Variants in TMEM38B observed in about 807,000 individuals in gnomAD.
TMEM38B encodes transmembrane protein 38B, also known as trimeric intracellular cation channel type B.
A neutral mutation model predicts 28.7 loss-of-function variants in TMEM38B; 24 were observed. The observed-to-expected ratio is 0.84, with a 90% CI of 0.61 to 1.18. The LOEUF (loss-of-function observed/expected upper bound fraction) is 1.18, where lower values mean the gene tolerates loss of function less well. TMEM38B is among the 50% of genes most tolerant of loss of function. The pLI is 0.00. For synonymous variants in TMEM38B, 131 were observed against 127.7 expected, an observed-to-expected ratio of 1.03 and a Z score of -0.17; for missense variants, 380 against 350.9, an observed-to-expected ratio of 1.08 and a Z score of -0.66.
At chr9:105,760,118 C>A in intron 5 of TMEM38B, 1 of 882,798 alleles carries the variant, frequency 1.1e-6, no homozygotes, top group Non-Finnish European at 1.9e-6. Flanking sequence ...GCCATCGATG[C>A]GCTACAATTG....
chr9:105,733,882 C>G (rs72658705), intron 4 of TMEM38B, among the ~76,000 whole-genome samples: 1,652 of 151,968 alleles, frequency 0.011, 29 homozygotes, highest in African/African-American at 0.034. Context: ...AAGCATTTGT[C>G]AATTTCGTTT....
chr9:105,735,951 C>T (rs1056361442), intron 4 of TMEM38B, among the ~76,000 whole-genome samples: 4 of 152,180 alleles, frequency 2.6e-5, no homozygotes, highest in Non-Finnish European at 4.4e-5. Context: ...ACTGTAATCT[C>T]GAACTCTTGG....
intron 4 of TMEM38B, among the ~76,000 whole-genome samples, chr9:105,731,612 C>T (rs1227873144): frequency 6.6e-6 from 1 of 152,100 alleles, no homozygotes; most frequent in Non-Finnish European, 1.5e-5. Context: ...TAGCTTCATC[C>T]ATGGCCCTAC....
intron 4 of TMEM38B, among the ~76,000 whole-genome samples, chr9:105,744,009 G>A (rs1588445116): frequency 6.6e-6 from 1 of 152,048 alleles, no homozygotes; most frequent in East Asian, 1.9e-4. Flanking sequence ...GTGAAGAAAG[G>A]TATTTAACTT....
chr9:105,769,358 C>T (rs1382053644), intron 5 of TMEM38B, among the ~76,000 whole-genome samples: 4 of 152,184 alleles, frequency 2.6e-5, no homozygotes, highest in African/African-American at 9.6e-5. Flanking sequence ...CTCTGTCACT[C>T]AGGCTGGAGT....
chr9:105,772,126 C>A (rs1481682337), intron 5 of TMEM38B, among the ~76,000 whole-genome samples: 1 of 152,152 alleles, frequency 6.6e-6, no homozygotes, highest in Non-Finnish European at 1.5e-5. Context: ...CCTTGAATTC[C>A]AACTTATCTT....
At chr9:105,712,973 C>T (rs576483842) in intron 2 of TMEM38B, among the ~76,000 whole-genome samples, 26 of 152,360 alleles carry the variant, frequency 1.7e-4, no homozygotes, top group African/African-American at 5.8e-4. Context: ...CCAGCCCAGG[C>T]CCAGTGAGGA....
chr9:105,753,436 A>G (rs1023725822), intron 5 of TMEM38B, among the ~76,000 whole-genome samples: 1 of 152,184 alleles, frequency 6.6e-6, no homozygotes, highest in African/African-American at 2.4e-5. Context: ...GTCACCATCA[A>G]AGGGAAACCC....
intron 5 of TMEM38B, chr9:105,759,676 A>G (rs942692431): frequency 6.2e-7 from 1 of 1,600,312 alleles, no homozygotes; most frequent in Non-Finnish European, 8.5e-7. Flanking sequence ...ACAAAATACT[A>G]AACTGTTTTT....
At chr9:105,759,356 TC>T (rs367557150) in intron 5 of TMEM38B, 12 of 1,245,528 alleles carry the variant, frequency 9.6e-6, no homozygotes, top group African/African-American at 7.5e-5. Flanking sequence ...AGTGCCTTCT[TC>T]TCAGTCTGCT....
intron 4 of TMEM38B, among the ~76,000 whole-genome samples, chr9:105,747,260 T>TC (rs1837442798): frequency 6.6e-6 from 1 of 152,242 alleles, no homozygotes; most frequent in African/African-American, 2.4e-5. Flanking sequence ...CAGAGCCTGT[T>TC]ATTGGTCTAT....
Position 105,774,393 on chromosome 9 carries a change from TAAC to T in TMEM38B, c.*316_*318del, listed in dbSNP as rs1588487363. On this transcript the variant is annotated 3_prime_UTR_variant, in exon 6 of 6. Coordinates refer to ENST00000374692, the MANE Select transcript of TMEM38B (RefSeq NM_018112.3). ...AAAAAGCAGATCTGTCATTGCAAAG[TAAC>T]AAAAATTTTAAGCTTTTAAAAATGT... is the stretch of plus-strand genomic sequence containing the variant. The T allele has an allele frequency of 5.6e-6, 1 of 177,128 alleles. No homozygotes were observed. Among genetic ancestry groups the T allele is most frequent in the East Asian group, 1.4e-4 (1 of 7,048 alleles). The allele number at this position is 177,128 out of a possible 1,614,324, so 11.0% of individuals were successfully genotyped here.
chr9:105,698,668 A>G (rs1835363957), intron 1 of TMEM38B, among the ~76,000 whole-genome samples: 2 of 152,146 alleles, frequency 1.3e-5, no homozygotes, highest in African/African-American at 4.8e-5. Context: ...TGTTTATAAT[A>G]GAAATGAGCC....
chr9:105,735,062 T>C (rs1476020126), intron 4 of TMEM38B, among the ~76,000 whole-genome samples: 1 of 152,130 alleles, frequency 6.6e-6, no homozygotes, highest in African/African-American at 2.4e-5. Flanking sequence ...TTTGCATATT[T>C]ACTGTATTTT....
intron 2 of TMEM38B, chr9:105,710,573 T>C (rs1289538925): frequency 4.4e-6 from 4 of 904,336 alleles, no homozygotes; most frequent in Non-Finnish European, 7.4e-6. Flanking sequence ...GTCCAAATTA[T>C]ATAAAGTGTC....
chr9:105,768,944 T>G (rs1826459468), intron 5 of TMEM38B, among the ~76,000 whole-genome samples: 1 of 152,216 alleles, frequency 6.6e-6, no homozygotes, highest in Admixed American at 6.5e-5. Flanking sequence ...GTTTACTTGG[T>G]TCTTCCTTTA....
intron 5 of TMEM38B, among the ~76,000 whole-genome samples, chr9:105,749,836 A>C (rs1837580256): frequency 6.6e-6 from 1 of 152,204 alleles, no homozygotes; most frequent in Non-Finnish European, 1.5e-5. Context: ...CATTCATGTA[A>C]AAATTTTTGT....
At chr9:105,728,421 C>T (rs1359183653) in intron 4 of TMEM38B, among the ~76,000 whole-genome samples, 1 of 152,192 alleles carries the variant, frequency 6.6e-6, no homozygotes, top group Admixed American at 6.5e-5. Flanking sequence ...AGGACATGAA[C>T]TCATCCTTTT....
intron 4 of TMEM38B, among the ~76,000 whole-genome samples, chr9:105,738,693 A>G (rs1275548357): frequency 6.8e-6 from 1 of 146,258 alleles, no homozygotes; most frequent in Admixed American, 6.8e-5. Flanking sequence ...AAGCTCACAG[A>G]TCCATATGAG....
Sources: gnomAD v4.1 joint callset for allele counts (sites outside exome capture counted in the v4.1 genomes callset) on GRCh38, gnomAD v4.1.1 for gene constraint, MANE v1.5 for transcripts, NCBI Gene and HGNC (gene_info 2026-07-23, HGNC 2026-07-21) for gene names.